The following HMGN2 variants were observed in gnomAD, a reference collection of about 807,000 sequenced individuals.
HMGN2 encodes the protein non-histone chromosomal protein HMG-17.
HMGN2 carries 2 observed loss-of-function variants against 16.9 expected under a neutral mutation model. The observed-to-expected ratio is 0.12, with a 90% CI of 0.05 to 0.37. The LOEUF is 0.37. Ranked by LOEUF, HMGN2 falls within the 10% of genes least tolerant of loss-of-function variation. HMGN2 has a pLI of 1.00. For synonymous variants in HMGN2, 31 were observed against 34.9 expected (o/e 0.89, Z 0.39); for missense variants, 90 against 106.0 (o/e 0.85, Z 0.66).
rs1045784668 is a variant in HMGN2 at position 26,473,492 on chromosome 1, G to A, written c.25G>A (p.Asp9Asn). 38 of 1,612,770 alleles carry A rather than the reference G, an allele frequency of 2.4e-5. No individual in the cohort carries two copies. The highest frequency in any genetic ancestry group is 3.2e-5 in the Non-Finnish European group (38 of 1,178,832). MPKRKAEGDAKGDKAKVKD... is the reference protein window; with the variant it reads MPKRKAEGNAKGDKAKVKD... Reference sequence around the variant, plus strand: ...TTCTTGTTTCTTATAGGCTGAAGGGGATGCTAAGGGAGATAAAGCAAAGGT... The same window carrying A: ...TTCTTGTTTCTTATAGGCTGAAGGGAATGCTAAGGGAGATAAAGCAAAGGT... Residue 9 changes from aspartate to asparagine, a missense_variant, in exon 2 of 6, where the codon GAT (aspartate) becomes AAT (asparagine). Transcript: ENST00000361427.
rs1425461283 is a variant in HMGN2, at chr1:26,473,505, A to G, written c.38A>G (p.Asp13Gly). ...TAGGCTGAAGGGGATGCTAAGGGAG[A>G]TAAAGCAAAGGTGAAGGACGAAGTA... ...KRKAEGDAKG[D>G]KAKVKDEPQR... Residue 13 changes from aspartate to glycine, a missense_variant, in exon 2 of 6, where the codon GAT (aspartate) becomes GGT (glycine). By Grantham distance (94) the Asp-to-Gly change is moderately conservative. Coordinates refer to ENST00000361427, the MANE Select transcript of HMGN2 (RefSeq NM_005517.4). 2.5e-6 allele frequency: 4 copies of G among 1,613,486 alleles called. No individual in the cohort carries two copies. The highest frequency in any genetic ancestry group is 3.4e-6 in the Non-Finnish European group (4 of 1,179,544).
chr1:26,474,839 A>G (rs1035910801), intron 5 of HMGN2, 172 bp downstream of exon 5: 5 of 623,546 alleles, frequency 8.0e-6, no homozygotes, highest in African/African-American at 1.8e-5. Context: ...CTGTCAGCTG[A>G]AGGGCATTGT....
rs2075607650 is a variant in HMGN2 at position 26,476,135 on chromosome 1, A to G, written c.*987A>G. Among the ~76,000 whole-genome samples, 1 of 152,206 alleles carries G rather than the reference A, an allele frequency of 6.6e-6. No individual in the cohort carries two copies. Among genetic ancestry groups the G allele is most frequent in the Admixed American group, 6.5e-5 (1 of 15,274 alleles). On this transcript the variant is annotated 3_prime_UTR_variant, in exon 6 of 6. Transcript: ENST00000361427. Reference sequence around the variant, plus strand: ...CACACAGTGCTAGGTGCAGTTAGGAAGGATTCCAGGAGTAGACTTAGCTGA... The same window carrying G: ...CACACAGTGCTAGGTGCAGTTAGGAGGGATTCCAGGAGTAGACTTAGCTGA...
intron 5 of HMGN2, 62 bp downstream of exon 5, chr1:26,474,729 A>G (rs1300706726): frequency 3.7e-6 from 3 of 804,880 alleles, no homozygotes; most frequent in East Asian, 2.5e-5. Flanking sequence ...GATATCAAAA[A>G]TTTAATTGCC....
chr1:26,473,769 G>A (rs2075591013), intron 3 of HMGN2, 37 bp downstream of exon 3: 1 of 1,603,410 alleles, frequency 6.2e-7, no homozygotes, highest in East Asian at 2.2e-5. Context: ...GCTTGTCCCT[G>A]AAACTAAAAA....
chr1:26,473,839 A>AT, intron 3 of HMGN2, 107 bp downstream of exon 3: 1 of 1,183,752 alleles, frequency 8.4e-7, no homozygotes. Flanking sequence ...GTTTTGAATC[A>AT]TTGCCTCTAC....
At chr1:26,473,978 G>T in intron 3 of HMGN2, 107 bp from the exon 4 acceptor site, 3 of 974,290 alleles carry the variant, frequency 3.1e-6, no homozygotes, top group Middle Eastern at 2.1e-4. Context: ...AACTTTTGAG[G>T]AGGAGGAGAA....
intron 1 of HMGN2, among the ~76,000 whole-genome samples, chr1:26,472,854 A>T (rs1034734045): frequency 6.6e-6 from 1 of 151,396 alleles, no homozygotes; most frequent in Non-Finnish European, 1.5e-5. Context: ...GGGAGGAGCC[A>T]TGTTGGCGGC....
intron 1 of HMGN2, chr1:26,473,241 G>C (rs2075587202): frequency 5.6e-6 from 3 of 536,792 alleles, no homozygotes; most frequent in Admixed American, 3.5e-5. Flanking sequence ...CCTGCCTGTC[G>C]CGGTGGTGCG....
chr1:26,474,513 G>C (rs2075595572), intron 4 of HMGN2, 59 bp from the exon 5 acceptor site: 2 of 819,500 alleles, frequency 2.4e-6, no homozygotes, highest in Non-Finnish European at 4.2e-6. Flanking sequence ...GAACTTTGCA[G>C]ACCATACCTT....
intron 4 of HMGN2, 127 bp from the exon 5 acceptor site, chr1:26,474,445 C>T: frequency 6.3e-6 from 4 of 638,716 alleles, no homozygotes; most frequent in South Asian, 1.9e-5. Context: ...ATCAGTTGTT[C>T]TTGTCAAATG....
chr1:26,475,126 A>C lies in HMGN2; in HGVS notation c.251A>C (p.Glu84Ala). ...DAKTDQAQKA[E>A]GAGDAK ...GTTTTCTTTTAGGCACAGAAAGCTG[A>C]AGGTGCTGGAGATGCCAAGTGAAGT... The change falls in exon 6 of 6, where the codon GAA becomes GCA. Residue 84 changes from glutamate to alanine, a missense_variant. Glu to Ala is a moderately radical substitution (Grantham distance 107). Transcript: ENST00000361427. 1 of 1,611,046 alleles carries C rather than the reference A, an allele frequency of 6.2e-7. No individual in the cohort carries two copies.
rs1262551733 is a variant in HMGN2, at chr1:26,472,476, T to C, written c.-137T>C. ...CTAACCGGTCCGGGGCTCCCAGCGC[T>C]ATAAAAACTTTATAAACCCCCCGGA... On this transcript the variant is annotated 5_prime_UTR_variant, in exon 1 of 6. Transcript: ENST00000361427. The C allele has an allele frequency of 1.9e-6, 2 of 1,058,816 alleles. No individual in the cohort carries two copies. The highest frequency in any genetic ancestry group is 2.8e-6 in the Non-Finnish European group (2 of 722,120). 65.6% of individuals were successfully genotyped at this position (1,058,816 alleles called of 1,614,324 possible).
chr1:26,472,665 T>TGCC (rs2075578430), intron 1 of HMGN2, 38 bp downstream of exon 1: 1 of 1,506,640 alleles, frequency 6.6e-7, no homozygotes, highest in African/African-American at 1.4e-5. Flanking sequence ...GGGCCACCAC[T>TGCC]GCCGCCACCG....
chr1:26,473,406 T>G, intron 1 of HMGN2, 77 bp from the exon 2 acceptor site: 1 of 1,054,056 alleles, frequency 9.5e-7, no homozygotes, highest in Admixed American at 1.8e-5. Flanking sequence ...TTAATTTTCA[T>G]TTTTAGCACT....
At position 26,475,974 on chromosome 1, in the gene HMGN2, G is replaced by A. The variant is rs17340420; in HGVS notation, c.*826G>A. 61,124 of 292,542 alleles carry A rather than the reference G, an allele frequency of 0.21. 7,924 individuals carry two copies. The highest frequency in any genetic ancestry group is 0.27 in the Non-Finnish European group (41,028 of 149,748). The allele number at this position is 292,542 out of a possible 1,614,324, so 18.1% of individuals were successfully genotyped here. ...AGCTGGATACAGTTTGGCTTGGAAT[G>A]CTGCCTCTGATCTTTTCCCACAAGT... On this transcript the variant is annotated 3_prime_UTR_variant, in exon 6 of 6. Transcript: ENST00000361427.
chr1:26,474,467 GTGTTTTA>G, intron 4 of HMGN2, 98 bp from the exon 5 acceptor site: 1 of 672,018 alleles, frequency 1.5e-6, no homozygotes, highest in Non-Finnish European at 2.7e-6. Context: ...GTGAGGGTTT[GTGTTTTA>G]TCTTGAGTAA....
At chr1:26,473,996 T>C (rs1483502515) in intron 3 of HMGN2, 89 bp from the exon 4 acceptor site, 3 of 1,115,570 alleles carry the variant, frequency 2.7e-6, no homozygotes, top group Non-Finnish European at 2.6e-6. Flanking sequence ...GAAACTTCTC[T>C]ACCCTTGGTA....
rs1324540372 is a variant in HMGN2 at position 26,476,185 on chromosome 1, T to C, written c.*1037T>C. On this transcript the variant is annotated 3_prime_UTR_variant, in exon 6 of 6. Transcript: ENST00000361427. Reference sequence around the variant, plus strand: ...ATGGTGAAAGGCTGGGAGTATGGAGTGATTTCTGTACTTGGTTATGCAGCA... The same window carrying C: ...ATGGTGAAAGGCTGGGAGTATGGAGCGATTTCTGTACTTGGTTATGCAGCA... Among the ~76,000 whole-genome samples the C allele has an allele frequency of 6.6e-6, 1 of 151,752 alleles. No homozygotes were observed. Among genetic ancestry groups the C allele is most frequent in the Non-Finnish European group, 1.5e-5 (1 of 67,974 alleles).
Sources: allele counts gnomAD v4.1 joint callset (sites outside exome capture counted in the v4.1 genomes callset), GRCh38; gene constraint gnomAD v4.1.1; transcripts MANE v1.5; gene names NCBI Gene and HGNC (gene_info 2026-07-23, HGNC 2026-07-21).